The following AGBL4 variants were observed in gnomAD, a reference collection of about 807,000 sequenced individuals.
AGBL4 encodes the protein AGBL carboxypeptidase 4.
A neutral mutation model predicts 66.4 loss-of-function variants in AGBL4; 58 were observed. The observed-to-expected ratio is 0.87, with a 90% CI of 0.71 to 1.09. The LOEUF (loss-of-function observed/expected upper bound fraction) is 1.09. AGBL4 is among the 50% of genes least tolerant of loss of function. AGBL4 has a pLI of 0.00. For missense variants in AGBL4, 579 were observed against 631.0 expected, an observed-to-expected ratio of 0.92 and a Z score of 0.88; for synonymous variants, 234 against 222.9, an observed-to-expected ratio of 1.05 and a Z score of -0.44.
chr1:48,804,214 T>G (rs1645872427), intron 6 of AGBL4, among the ~76,000 whole-genome samples: 1 of 152,192 alleles, frequency 6.6e-6, no homozygotes, highest in African/African-American at 2.4e-5. Flanking sequence ...CCTGCCTGGT[T>G]TATCTCCTCT....
intron 7 of AGBL4, among the ~76,000 whole-genome samples, chr1:48,657,343 C>T (rs1646036887): frequency 6.6e-6 from 1 of 152,098 alleles, no homozygotes; most frequent in South Asian, 2.1e-4. Context: ...GAGAGGTGAA[C>T]AAGGATTTGC....
intron 2 of AGBL4, chr1:49,845,653 G>T: frequency 6.2e-7 from 1 of 1,607,990 alleles, no homozygotes; most frequent in Non-Finnish European, 8.5e-7. Context: ...CCACACAGGA[G>T]AAAAGCCCTG....
rs116196005 is a variant in AGBL4 at position 49,337,008 on chromosome 1, C to G, written c.283-91144G>C. On this transcript the variant is annotated intron_variant, in intron 3 of 13. Coordinates refer to ENST00000371839, the MANE Select transcript of AGBL4 (RefSeq NM_032785.4). ...CTTGAGATTAAAAATACACTTGAAA[C>G]CAGGATTAATATCTATCCCATTAGC... Among the ~76,000 whole-genome samples the G allele has an allele frequency of 6.1e-3, 934 of 152,166 alleles. 11 individuals carry two copies. Among genetic ancestry groups the G allele is most frequent in the African/African-American group, 0.022 (901 of 41,538 alleles).
At chr1:49,849,577 A>T (rs1646255063) in intron 2 of AGBL4, among the ~76,000 whole-genome samples, 2 of 151,920 alleles carry the variant, frequency 1.3e-5, no homozygotes, top group African/African-American at 4.8e-5. Flanking sequence ...CTCCTTTGTC[A>T]AGCCAAGATT....
intron 3 of AGBL4, among the ~76,000 whole-genome samples, chr1:49,684,715 T>C (rs1235252137): frequency 6.6e-6 from 1 of 152,200 alleles, no homozygotes; most frequent in Non-Finnish European, 1.5e-5. Context: ...TTTTACCACT[T>C]ATTTCATGAT....
rs143293091 is a variant in AGBL4 at position 48,635,115 on chromosome 1, C to T, written c.840-511G>A. On this transcript the variant is annotated intron_variant, in intron 8 of 13. Coordinates refer to ENST00000371839, the MANE Select transcript of AGBL4 (RefSeq NM_032785.4). ...GAACTGTAATCATATTTTACCTGGT[C>T]TTCTTGTCTTCTCCTTGCCTCCTCC... 3.4e-3 allele frequency among the ~76,000 whole-genome samples: 519 copies of T among 152,268 alleles called. 2 individuals carry two copies. Among genetic ancestry groups the T allele is most frequent in the African/African-American group, 0.012 (496 of 41,532 alleles).
intron 4 of AGBL4, among the ~76,000 whole-genome samples, chr1:49,069,776 G>T (rs1259814173): frequency 2.6e-5 from 4 of 151,890 alleles, no homozygotes; most frequent in Admixed American, 6.6e-5. Flanking sequence ...AAGAAAGTCA[G>T]TGGTAGCCTG....
intron 3 of AGBL4, among the ~76,000 whole-genome samples, chr1:49,274,070 G>T (rs1310419417): frequency 6.6e-6 from 1 of 152,132 alleles, no homozygotes; most frequent in African/African-American, 2.4e-5. Context: ...TAGGTCTTTT[G>T]ATTATTTGGG....
intron 3 of AGBL4, among the ~76,000 whole-genome samples, chr1:49,601,553 T>G (rs1389609203): frequency 6.6e-6 from 1 of 151,936 alleles, no homozygotes; most frequent in Non-Finnish European, 1.5e-5. Context: ...CCACCACACA[T>G]CTACAACCAT....
chr1:49,818,370 GTTT>G (rs11351923), intron 2 of AGBL4, among the ~76,000 whole-genome samples: 1 of 137,188 alleles, frequency 7.3e-6, no homozygotes, highest in Admixed American at 7.3e-5. Context: ...TGTTTTTTTT[GTTT>G]TTTTTTTTTT....
At chr1:49,278,400 G>C (rs1161312882) in intron 3 of AGBL4, among the ~76,000 whole-genome samples, 1 of 152,120 alleles carries the variant, frequency 6.6e-6, no homozygotes, top group Non-Finnish European at 1.5e-5. Context: ...AGAGAGAGCA[G>C]CACTTGTTCA....
At chr1:49,123,020 AT>A (rs1449978810) in intron 4 of AGBL4, among the ~76,000 whole-genome samples, 6 of 151,832 alleles carry the variant, frequency 4.0e-5, no homozygotes, top group Non-Finnish European at 8.8e-5. Flanking sequence ...TGCCCAGCTA[AT>A]TTTTTGTATT....
chr1:48,570,612 T>C (rs1644546591), intron 11 of AGBL4, among the ~76,000 whole-genome samples: 1 of 152,058 alleles, frequency 6.6e-6, no homozygotes, highest in South Asian at 2.1e-4. Context: ...AAAGAAGCCA[T>C]AAAGCACTTA....
At chr1:48,573,593 C>CAGAGGACAT (rs1035961263) in intron 11 of AGBL4, among the ~76,000 whole-genome samples, 16 of 152,084 alleles carry the variant, frequency 1.1e-4, no homozygotes, top group Admixed American at 9.2e-4. Flanking sequence ...AAACTATGCA[C>CAGAGGACAT]GTGAGGACAG....
intron 5 of AGBL4, among the ~76,000 whole-genome samples, chr1:48,976,197 G>T (rs773654798): frequency 6.6e-6 from 1 of 152,052 alleles, no homozygotes; most frequent in Non-Finnish European, 1.5e-5. Flanking sequence ...CTGCAGAGGG[G>T]GTTCCCAAAT....
At chr1:49,239,801 C>A (rs1362963617) in intron 4 of AGBL4, among the ~76,000 whole-genome samples, 1 of 151,990 alleles carries the variant, frequency 6.6e-6, no homozygotes, top group African/African-American at 2.4e-5. Context: ...ATCCTTACCC[C>A]TATGGTGCTT....
intron 2 of AGBL4, among the ~76,000 whole-genome samples, chr1:49,712,280 C>T (rs1647730944): frequency 6.6e-6 from 1 of 151,758 alleles, no homozygotes; most frequent in Admixed American, 6.6e-5. Flanking sequence ...AATAATACCC[C>T]ATAATTTTGT....
intron 2 of AGBL4, among the ~76,000 whole-genome samples, chr1:49,758,185 G>C (rs1652036455): frequency 6.6e-6 from 1 of 152,214 alleles, no homozygotes; most frequent in African/African-American, 2.4e-5. Context: ...CGGGTGCACA[G>C]AAGTCAAGAA....
intron 6 of AGBL4, among the ~76,000 whole-genome samples, chr1:48,695,224 C>T (rs1646695890): frequency 1.3e-5 from 2 of 152,176 alleles, no homozygotes; most frequent in South Asian, 2.1e-4. Flanking sequence ...CACACAGAGC[C>T]CTGAGAGCCT....
Sources: allele counts gnomAD v4.1 joint callset (sites outside exome capture counted in the v4.1 genomes callset), GRCh38; gene constraint gnomAD v4.1.1; transcripts MANE v1.5; gene names NCBI Gene and HGNC (gene_info 2026-07-23, HGNC 2026-07-21).